Variants in SMARCD2 observed in about 807,000 individuals in gnomAD.
SMARCD2 encodes SWI/SNF-related matrix-associated actin-dependent regulator of chromatin subfamily D member 2.
SMARCD2 carries 39 observed loss-of-function variants against 70.4 expected under a neutral mutation model. The ratio of observed to expected loss-of-function variants is 0.55; its 90% CI spans 0.43 to 0.72. SMARCD2 has a LOEUF of 0.72. Among genes scored for constraint, SMARCD2 ranks in the 30% least tolerant of loss-of-function variants. The pLI is 0.00. For synonymous variants in SMARCD2, 249 were observed against 279.4 expected (o/e 0.89, Z 1.08); for missense variants, 540 against 713.4 (o/e 0.76, Z 2.77).
chr17:63,836,312 C>T (rs545806938), intron 4 of SMARCD2, among the ~76,000 whole-genome samples: 1 of 151,880 alleles, frequency 6.6e-6, no homozygotes, highest in South Asian at 2.1e-4. Flanking sequence ...AGTTCGAGAC[C>T]AGCCTGGGTA....
rs1263649850 is a variant in SMARCD2, at chr17:63,842,618, G to A, written c.57C>T (p.Gly19=). ...GCGCTCCCAGGGCCGCAGCCACGGC[G>A]CCGCCGCCAGGGCTTAGCGGGGGCA... ...FPLPPLSPGG[G]AVAAALGAPP... is the part of the protein sequence containing the mutation. The change falls in exon 1 of 13, where the codon GGC becomes GGT. Residue 19 remains glycine (G), a synonymous_variant. Transcript: ENST00000448276. 6.5e-6 allele frequency: 8 copies of A among 1,228,768 alleles called. No homozygotes were observed. The highest frequency in any genetic ancestry group is 8.1e-6 in the Non-Finnish European group (8 of 986,334). 76.1% of individuals were successfully genotyped at this position (1,228,768 alleles called of 1,614,324 possible).
intron 1 of SMARCD2, among the ~76,000 whole-genome samples, chr17:63,841,954 C>T (rs1172014988): frequency 6.6e-6 from 1 of 152,214 alleles, no homozygotes; most frequent in Non-Finnish European, 1.5e-5. Context: ...GCGTCCCGTG[C>T]CCGTGGGAAG....
At chr17:63,835,655 A>G in intron 4 of SMARCD2, 88 bp from the exon 5 acceptor site, 1 of 1,325,322 alleles carries the variant, frequency 7.5e-7, no homozygotes, top group South Asian at 1.3e-5. Context: ...ACCATTCAAC[A>G]ATCAGTACTG....
chr17:63,836,879 A>G, intron 4 of SMARCD2, 43 bp downstream of exon 4: 1 of 1,585,476 alleles, frequency 6.3e-7, no homozygotes, highest in Non-Finnish European at 8.6e-7. Context: ...GGTGGAAGGC[A>G]AGGAAACCTG....
At chr17:63,836,019 G>C (rs940302691) in intron 4 of SMARCD2, among the ~76,000 whole-genome samples, 1 of 151,894 alleles carries the variant, frequency 6.6e-6, no homozygotes, top group East Asian at 1.9e-4. Context: ...GTGAGCCACC[G>C]CACCTGGCCG....
intron 1 of SMARCD2, chr17:63,839,139 T>G: frequency 1.0e-6 from 1 of 985,404 alleles, no homozygotes; most frequent in African/African-American, 1.7e-5. Context: ...GCCTTAAAGA[T>G]TGTTCTTTCT....
chr17:63,834,042 G>C lies in SMARCD2; in HGVS notation c.1084-36C>G. 6.3e-7 allele frequency: 1 copy of C among 1,599,596 alleles called. No individual in the cohort carries two copies. Among genetic ancestry groups the C allele is most frequent in the Non-Finnish European group, 8.6e-7 (1 of 1,166,974 alleles). On this transcript the variant is annotated intron_variant, in intron 8 of 12. Coordinates refer to ENST00000448276, the MANE Select transcript of SMARCD2 (RefSeq NM_001098426.2). The surrounding 1 kb of genome is among the most constrained non-coding windows in gnomAD (Gnocchi z 5.6). ...TACGAAAGGCTCAGCGTTGGCTTGT[G>C]GGCACAGTGGAGTGGACCATTCCAG...
Position 63,833,719 on chromosome 17 carries a change from G to A in SMARCD2, c.1185C>T (p.Val395=), listed in dbSNP as rs200742647. The change falls in exon 10 of 13, where the codon GTC becomes GTT. Residue 395 remains valine (V), a synonymous_variant. Transcript: ENST00000448276. This position sits in a 1 kb window ranked among gnomAD's most constrained non-coding sequence, Gnocchi z 4.3. ...CTGTCTTCTTCTGGTCGTTAGGGTC[G>A]ACACTGCAGGCAGCACATGGGGAGG... ...DPIVINHVIS[V]DPNDQKKTAC... is the part of the protein sequence containing the mutation. 1.5e-4 allele frequency: 250 copies of A among 1,613,942 alleles called. No individual in the cohort carries two copies. The African/African-American group carries it at 3.0e-3, about 19-fold the overall frequency.
At chr17:63,838,692 T>C in intron 1 of SMARCD2, 2 of 1,343,582 alleles carry the variant, frequency 1.5e-6, no homozygotes, top group Non-Finnish European at 1.9e-6. Context: ...GGCTGCTGCC[T>C]GCAAGGCCTG....
intron 1 of SMARCD2, chr17:63,838,700 C>T: frequency 7.2e-7 from 1 of 1,391,182 alleles, no homozygotes; most frequent in Non-Finnish European, 9.4e-7. Flanking sequence ...CCTGCAAGGC[C>T]TGTTTGGCAG....
rs577418122 is a variant in SMARCD2 at position 63,835,532 on chromosome 17, C to G, written c.603G>C (p.Thr201=). ...KRKLRIYISN[T]FSPSKAEGDS... Reference sequence around the variant, plus strand: ...CGCCTTCCGCCTTGCTGGGACTGAACGTATTGGAAATGTAGATCCGAAGCT... The same window carrying G: ...CGCCTTCCGCCTTGCTGGGACTGAAGGTATTGGAAATGTAGATCCGAAGCT... The change falls in exon 5 of 13, where the codon ACG becomes ACC. Residue 201 remains threonine (T), a synonymous_variant. Coordinates refer to ENST00000448276, the MANE Select transcript of SMARCD2 (RefSeq NM_001098426.2). 6.2e-7 allele frequency: 1 copy of G among 1,613,974 alleles called. No homozygotes were observed. Among genetic ancestry groups the G allele is most frequent in the Non-Finnish European group, 8.5e-7 (1 of 1,179,874 alleles).
At chr17:63,836,186 C>T (rs1420584800) in intron 4 of SMARCD2, among the ~76,000 whole-genome samples, 2 of 152,134 alleles carry the variant, frequency 1.3e-5, no homozygotes, top group African/African-American at 4.8e-5. Flanking sequence ...TCCTAGTCCC[C>T]TGGAAAGGCT....
chr17:63,836,181 G>A (rs2144631725), intron 4 of SMARCD2, among the ~76,000 whole-genome samples: 1 of 151,988 alleles, frequency 6.6e-6, no homozygotes, highest in Non-Finnish European at 1.5e-5. Flanking sequence ...AAATATCCTA[G>A]TCCCCTGGAA....
intron 1 of SMARCD2, among the ~76,000 whole-genome samples, chr17:63,840,576 T>C (rs1312891024): frequency 1.3e-5 from 2 of 152,154 alleles, no homozygotes; most frequent in Admixed American, 1.3e-4. Flanking sequence ...ATCACTTCCC[T>C]TCTTTCAACT....
rs2040198710 is a variant in SMARCD2, at chr17:63,832,152, C to G, written c.*786G>C. 1.6e-6 allele frequency: 1 copy of G among 641,726 alleles called. No individual in the cohort carries two copies. Among genetic ancestry groups the G allele is most frequent in the Non-Finnish European group, 2.7e-6 (1 of 370,026 alleles). 39.8% of individuals were successfully genotyped at this position (641,726 alleles called of 1,614,324 possible). A position where few individuals can be genotyped will look rare whatever the true frequency, so the allele number is the denominator to read the frequency against. On this transcript the variant is annotated 3_prime_UTR_variant, in exon 13 of 13. Coordinates refer to ENST00000448276, the MANE Select transcript of SMARCD2 (RefSeq NM_001098426.2). ...TGGCACTCGCCAAGCCCTAGGCCCA[C>G]CCTCCTCACCAAGCTCCAAAGGGCA...
At chr17:63,838,258 C>G (rs1456226214) in intron 1 of SMARCD2, among the ~76,000 whole-genome samples, 1 of 151,918 alleles carries the variant, frequency 6.6e-6, no homozygotes, top group Non-Finnish European at 1.5e-5. Context: ...GTACAGGGAC[C>G]CTGTACCCTG....
In SMARCD2 at chr17:63,834,371, G is replaced by T; in HGVS notation, c.922-43C>A. 1 of 1,592,510 alleles carries T rather than the reference G, an allele frequency of 6.3e-7. No individual in the cohort carries two copies. On this transcript the variant is annotated intron_variant, in intron 7 of 12. Transcript: ENST00000448276. The surrounding 1 kb of genome is among the most constrained non-coding windows in gnomAD (Gnocchi z 5.6). ...GGAGTCAGAACGGGTTCTTATAGTA[G>T]AACAGTGGGAAAATAGGGCAGGGAC...
intron 1 of SMARCD2, chr17:63,838,772 G>A (rs2040296860): frequency 1.6e-6 from 2 of 1,270,834 alleles, no homozygotes; most frequent in Non-Finnish European, 2.0e-6. Flanking sequence ...CCCAGATTAT[G>A]CAACGAGCAC....
In SMARCD2 at chr17:63,832,614, C is replaced by A. The variant is rs2040205929; in HGVS notation, c.*324G>T. The stretch of plus-strand genomic sequence containing the variant: ...CTCTGACCCTCGCCCCAGGGGGAGT[C>A]TGTAAACATGCAAACCCAGCAGCCT... On this transcript the variant is annotated 3_prime_UTR_variant, in exon 13 of 13. Transcript: ENST00000448276. 4.7e-6 allele frequency: 2 copies of A among 424,944 alleles called. No individual in the cohort carries two copies. Among genetic ancestry groups the A allele is most frequent in the Non-Finnish European group, 8.8e-6 (2 of 228,206 alleles). 26.3% of individuals were successfully genotyped at this position (424,944 alleles called of 1,614,324 possible).
Sources: gnomAD v4.1 joint callset for allele counts (sites outside exome capture counted in the v4.1 genomes callset) on GRCh38, gnomAD v4.1.1 for gene constraint, Gnocchi (gnomAD v3.1) non-coding constraint, MANE v1.5 for transcripts, NCBI Gene and HGNC (gene_info 2026-07-23, HGNC 2026-07-21) for gene names.